Variants in AGBL4 observed in about 807,000 individuals in gnomAD.
The protein encoded by AGBL4 is AGBL carboxypeptidase 4, also known as cytosolic carboxypeptidase 6.
A neutral mutation model predicts 66.4 loss-of-function variants in AGBL4; 58 were observed. The ratio of observed to expected loss-of-function variants is 0.87; its 90% confidence interval spans 0.71 to 1.09. The LOEUF is 1.09. Ranked by LOEUF, AGBL4 falls within the 50% of genes least tolerant of loss-of-function variation. AGBL4 has a pLI of 0.00. For synonymous variants in AGBL4, 234 were observed against 222.9 expected (o/e 1.05, Z -0.44); for missense variants, 579 against 631.0 (o/e 0.92, Z 0.88).
intron 3 of AGBL4, among the ~76,000 whole-genome samples, chr1:49,651,908 G>T (rs1392064771): frequency 1.3e-5 from 2 of 151,974 alleles, no homozygotes. Flanking sequence ...AATATATATT[G>T]TAAGAAAGCT....
intron 11 of AGBL4, among the ~76,000 whole-genome samples, chr1:48,543,734 A>G (rs887438113): frequency 1.3e-5 from 2 of 152,200 alleles, no homozygotes; most frequent in Non-Finnish European, 2.9e-5. Context: ...AGAAGTCCCC[A>G]AGCTGGGGTT....
At chr1:49,340,534 T>G (rs1030212996) in intron 3 of AGBL4, among the ~76,000 whole-genome samples, 1 of 152,228 alleles carries the variant, frequency 6.6e-6, no homozygotes, top group Non-Finnish European at 1.5e-5. Flanking sequence ...GAAAATGACT[T>G]ACTCAGGTCC....
intron 3 of AGBL4, among the ~76,000 whole-genome samples, chr1:49,692,489 C>T (rs922554411): frequency 4.6e-5 from 7 of 151,974 alleles, no homozygotes; most frequent in African/African-American, 9.7e-5. Flanking sequence ...GAGGCTGAGG[C>T]GGGTGGATCA....
intron 6 of AGBL4, among the ~76,000 whole-genome samples, chr1:48,754,217 C>A (rs540610448): frequency 6.6e-6 from 1 of 152,266 alleles, no homozygotes; most frequent in South Asian, 2.1e-4. Flanking sequence ...AAGAGAGACC[C>A]TAGAATTTAC....
intron 3 of AGBL4, among the ~76,000 whole-genome samples, chr1:49,644,070 G>T (rs1057114573): frequency 4.6e-5 from 7 of 151,574 alleles, no homozygotes; most frequent in African/African-American, 1.7e-4. Flanking sequence ...AGTGAGAGGG[G>T]GAAATGGAAG....
At chr1:49,317,967 T>C in intron 3 of AGBL4, among the ~76,000 whole-genome samples, 1 of 152,080 alleles carries the variant, frequency 6.6e-6, no homozygotes, top group Non-Finnish European at 1.5e-5. Flanking sequence ...TTTATTGTTT[T>C]AAATTATAAA....
At chr1:49,485,692 T>C (rs1308034685) in intron 3 of AGBL4, among the ~76,000 whole-genome samples, 1 of 150,758 alleles carries the variant, frequency 6.6e-6, no homozygotes, top group Non-Finnish European at 1.5e-5. Context: ...TTGGAGGTGA[T>C]TATGTTAAGT....
At chr1:49,384,922 A>G (rs2148581941) in intron 3 of AGBL4, among the ~76,000 whole-genome samples, 1 of 152,344 alleles carries the variant, frequency 6.6e-6, no homozygotes. Flanking sequence ...TCATTGGAGC[A>G]TTATTCATAA....
chr1:48,641,360 C>T (rs1204651862), intron 8 of AGBL4, among the ~76,000 whole-genome samples: 1 of 152,080 alleles, frequency 6.6e-6, no homozygotes, highest in Non-Finnish European at 1.5e-5. Flanking sequence ...TTGTCCCAAA[C>T]ACAAGGGATA....
At chr1:49,559,809 T>A (rs6667566) in intron 3 of AGBL4, among the ~76,000 whole-genome samples, 92,243 of 151,884 alleles carry the variant, frequency 0.61, 28,743 homozygotes, top group Non-Finnish European at 0.67. Context: ...GGACTGAGCC[T>A]CTACTGACTT....
intron 6 of AGBL4, among the ~76,000 whole-genome samples, chr1:48,733,309 A>G (rs1241521024): frequency 2.0e-5 from 3 of 152,174 alleles, no homozygotes; most frequent in Admixed American, 1.3e-4. Flanking sequence ...ACTGAAATCC[A>G]GAGCCCAGAT....
chr1:49,846,159 G>C, intron 2 of AGBL4: 1 of 1,453,348 alleles, frequency 6.9e-7, no homozygotes, highest in Non-Finnish European at 9.6e-7. Context: ...AAGCCCTATG[G>C]GTTCAATAAG....
chr1:48,870,889 C>T (rs374323367), intron 5 of AGBL4, among the ~76,000 whole-genome samples: 1 of 152,090 alleles, frequency 6.6e-6, no homozygotes, highest in African/African-American at 2.4e-5. Context: ...TAGGTGCAAA[C>T]GAAAACAAAA....
At chr1:49,193,659 C>T (rs1647166366) in intron 4 of AGBL4, among the ~76,000 whole-genome samples, 1 of 151,928 alleles carries the variant, frequency 6.6e-6, no homozygotes, top group Non-Finnish European at 1.5e-5. Context: ...TCCAGAGTAG[C>T]TGGGACTACA....
chr1:49,659,965 G>C (rs1294801756), intron 3 of AGBL4, among the ~76,000 whole-genome samples: 1 of 152,086 alleles, frequency 6.6e-6, no homozygotes, highest in Non-Finnish European at 1.5e-5. Context: ...ACGGATAAAA[G>C]ACTTCGATGT....
At chr1:49,810,228 G>A (rs1244895656) in intron 2 of AGBL4, among the ~76,000 whole-genome samples, 4 of 152,006 alleles carry the variant, frequency 2.6e-5, no homozygotes, top group Non-Finnish European at 5.9e-5. Flanking sequence ...AAGTCTGTGG[G>A]ACTCCAGAGT....
intron 1 of AGBL4, among the ~76,000 whole-genome samples, chr1:49,927,186 C>T (rs1652862310): frequency 6.6e-6 from 1 of 152,168 alleles, no homozygotes; most frequent in South Asian, 2.1e-4. Context: ...TCTCCTTTGC[C>T]AACACCCTCA....
chr1:49,479,547 A>T (rs1342326152), intron 3 of AGBL4, among the ~76,000 whole-genome samples: 2 of 151,856 alleles, frequency 1.3e-5, no homozygotes, highest in African/African-American at 4.8e-5. Context: ...ATAAGTGAGA[A>T]CGTGGGGTAT....
At chr1:49,597,445 T>C (rs1644872913) in intron 3 of AGBL4, among the ~76,000 whole-genome samples, 1 of 152,216 alleles carries the variant, frequency 6.6e-6, no homozygotes, top group Non-Finnish European at 1.5e-5. Context: ...AAGAGTCATC[T>C]CAAGCTGACA....
Sources: allele counts gnomAD v4.1 joint callset (sites outside exome capture counted in the v4.1 genomes callset), GRCh38; gene constraint gnomAD v4.1.1; transcripts MANE v1.5; gene names NCBI Gene and HGNC (gene_info 2026-07-23, HGNC 2026-07-21).